The following LHFPL3 variants were observed in gnomAD, a reference collection of about 807,000 sequenced individuals.
LHFPL3 encodes the protein LHFPL tetraspan subfamily member 3, also known as LHFPL tetraspan subfamily member 3 protein.
LHFPL3 carries 5 observed loss-of-function variants against 19.3 expected under a neutral mutation model. That is an observed-to-expected ratio of 0.26 (90% CI 0.14 to 0.54). The LOEUF (loss-of-function observed/expected upper bound fraction) is 0.54. Ranked by LOEUF, LHFPL3 falls within the 20% of genes least tolerant of loss-of-function variation. The pLI is 0.94. For synonymous variants in LHFPL3, 133 were observed against 126.2 expected, an observed-to-expected ratio of 1.05 and a Z score of -0.36; for missense variants, 249 against 307.4, an observed-to-expected ratio of 0.81 and a Z score of 1.42.
intron 1 of LHFPL3, among the ~76,000 whole-genome samples, chr7:104,699,824 A>G (rs1427311373): frequency 1.3e-5 from 2 of 152,170 alleles, no homozygotes; most frequent in Non-Finnish European, 2.9e-5. Flanking sequence ...CGCTGACATC[A>G]GCTGGGGTAC....
At chr7:104,474,787 G>A (rs1304769787) in intron 1 of LHFPL3, among the ~76,000 whole-genome samples, 1 of 151,878 alleles carries the variant, frequency 6.6e-6, no homozygotes, top group Non-Finnish European at 1.5e-5. Context: ...TACTGAAAAG[G>A]CAGAAGAAGG....
intron 1 of LHFPL3, among the ~76,000 whole-genome samples, chr7:104,699,890 C>A (rs78503483): frequency 6.6e-6 from 1 of 152,098 alleles, no homozygotes; most frequent in East Asian, 1.9e-4. Flanking sequence ...ATCTGTAATC[C>A]GTTCTGTCAG....
At chr7:104,862,049 G>C (rs1017691876) in intron 2 of LHFPL3, among the ~76,000 whole-genome samples, 4 of 152,120 alleles carry the variant, frequency 2.6e-5, no homozygotes, top group Non-Finnish European at 4.4e-5. Context: ...CGATGCTGCC[G>C]AGTATCTCTT....
intron 1 of LHFPL3, among the ~76,000 whole-genome samples, chr7:104,686,161 T>A (rs546429067): frequency 6.6e-6 from 1 of 152,316 alleles, no homozygotes; most frequent in Non-Finnish European, 1.5e-5. Flanking sequence ...AAAGAGGTCC[T>A]GTTACCTACC....
chr7:104,430,383 C>CATGTAT (rs1791941390), intron 1 of LHFPL3, among the ~76,000 whole-genome samples: 1 of 39,702 alleles, frequency 2.5e-5, no homozygotes, highest in Non-Finnish European at 4.0e-5. Context: ...TATATATATA[C>CATGTAT]ATATATATAT....
intron 1 of LHFPL3, among the ~76,000 whole-genome samples, chr7:104,701,363 A>G (rs1317202420): frequency 6.6e-6 from 1 of 152,176 alleles, no homozygotes; most frequent in Non-Finnish European, 1.5e-5. Flanking sequence ...CAACTCCCCC[A>G]AAAGTTACTA....
intron 1 of LHFPL3, among the ~76,000 whole-genome samples, chr7:104,336,549 T>G (rs192216434): frequency 1.3e-5 from 2 of 149,338 alleles, no homozygotes; most frequent in Non-Finnish European, 3.0e-5. Context: ...GGAAGATAAA[T>G]AGTTTTTCGA....
At chr7:104,372,593 C>T (rs1790636490) in intron 1 of LHFPL3, among the ~76,000 whole-genome samples, 1 of 152,140 alleles carries the variant, frequency 6.6e-6, no homozygotes, top group Non-Finnish European at 1.5e-5. Flanking sequence ...CATATGAGCT[C>T]CACCATTCAG....
intron 1 of LHFPL3, among the ~76,000 whole-genome samples, chr7:104,665,937 G>C (rs897921563): frequency 1.3e-5 from 2 of 151,996 alleles, no homozygotes; most frequent in Non-Finnish European, 2.9e-5. Context: ...CTCCCCCTGG[G>C]CTTAAAACCA....
At chr7:104,391,048 A>G (rs1231739651) in intron 1 of LHFPL3, among the ~76,000 whole-genome samples, 1 of 151,852 alleles carries the variant, frequency 6.6e-6, no homozygotes, top group Non-Finnish European at 1.5e-5. Flanking sequence ...TTTTTCTTGT[A>G]AATTTGTTTG....
In LHFPL3 at chr7:104,770,440, A is replaced by G. The variant is rs115168134; in HGVS notation, c.682+33529A>G. 7.7e-3 allele frequency among the ~76,000 whole-genome samples: 1,171 copies of G among 152,368 alleles called. 19 individuals carry two copies. The highest frequency in any genetic ancestry group is 0.025 in the African/African-American group (1,041 of 41,586). On this transcript the variant is annotated intron_variant, in intron 2 of 2. Transcript: ENST00000424859. ...TAAAGAGAAGGTAAAAGATTGGAGAAGTATACCATTAACACTGGCATTTAC... is the reference window on the plus strand; with the variant it reads ...TAAAGAGAAGGTAAAAGATTGGAGAGGTATACCATTAACACTGGCATTTAC...
chr7:104,533,476 C>T (rs796710972), intron 1 of LHFPL3, among the ~76,000 whole-genome samples: 13 of 152,334 alleles, frequency 8.5e-5, no homozygotes, highest in African/African-American at 3.1e-4. Flanking sequence ...CAGATCCCTG[C>T]TGGACACCTT....
At chr7:104,456,826 A>G (rs1792551280) in intron 1 of LHFPL3, among the ~76,000 whole-genome samples, 1 of 152,208 alleles carries the variant, frequency 6.6e-6, no homozygotes, top group South Asian at 2.1e-4. Context: ...GGACAAAGAG[A>G]TGATTCATGT....
At chr7:104,834,679 T>C (rs1253308131) in intron 2 of LHFPL3, among the ~76,000 whole-genome samples, 1 of 151,970 alleles carries the variant, frequency 6.6e-6, no homozygotes, top group African/African-American at 2.4e-5. Context: ...AACTTCCAAT[T>C]TTCTATTGAC....
intron 1 of LHFPL3, among the ~76,000 whole-genome samples, chr7:104,591,758 G>T (rs7810733): frequency 0.65 from 98,601 of 152,104 alleles, 32,042 homozygotes; most frequent in East Asian, 0.71. Context: ...ACACTAATCA[G>T]ATGTAGATTT....
At chr7:104,479,018 C>G (rs1793078122) in intron 1 of LHFPL3, among the ~76,000 whole-genome samples, 1 of 152,294 alleles carries the variant, frequency 6.6e-6, no homozygotes, top group African/African-American at 2.4e-5. Context: ...ACTAGCACCA[C>G]TCCTAAGAAT....
At chr7:104,353,646 A>G (rs555555736) in intron 1 of LHFPL3, among the ~76,000 whole-genome samples, 4 of 152,374 alleles carry the variant, frequency 2.6e-5, no homozygotes, top group Non-Finnish European at 5.9e-5. Context: ...AGCTATGAGC[A>G]TTAGTGCCTA....
intron 1 of LHFPL3, among the ~76,000 whole-genome samples, chr7:104,361,332 A>G (rs1402343472): frequency 2.6e-5 from 4 of 152,196 alleles, no homozygotes; most frequent in Non-Finnish European, 5.9e-5. Context: ...ATAGATTCCT[A>G]TTGATTTTTG....
chr7:104,471,567 G>A (rs1156741255), intron 1 of LHFPL3, among the ~76,000 whole-genome samples: 3 of 152,322 alleles, frequency 2.0e-5, no homozygotes, highest in South Asian at 4.1e-4. Context: ...AGGACAAAGA[G>A]TTTAAAGCCT....
Sources: allele counts gnomAD v4.1 joint callset (sites outside exome capture counted in the v4.1 genomes callset), GRCh38; gene constraint gnomAD v4.1.1; transcripts MANE v1.5; gene names NCBI Gene and HGNC (gene_info 2026-07-23, HGNC 2026-07-21).